GPC6: variants seen among roughly 807,000 people sequenced by gnomAD.
GPC6 encodes the protein glypican 6.
In GPC6, 14 loss-of-function variants were observed where a neutral mutation model predicts 55.2. The observed-to-expected ratio is 0.25, with a 90% CI of 0.17 to 0.40. GPC6 has a LOEUF of 0.40. GPC6 is among the 10% of genes least tolerant of loss of function. The probability of loss-of-function intolerance (pLI) is 1.00; values close to 1 mark genes in which losing one functional copy is unlikely to be tolerated. For missense variants in GPC6, 641 were observed against 708.5 expected (o/e 0.90, Z 1.08); for synonymous variants, 278 against 259.6 (o/e 1.07, Z -0.68).
intron 1 of GPC6, among the ~76,000 whole-genome samples, chr13:93,441,177 CA>C (rs1877783858): frequency 1.3e-5 from 2 of 152,146 alleles, no homozygotes; most frequent in South Asian, 4.1e-4. Flanking sequence ...GTCTTTATAG[CA>C]GCATGATTTA....
intron 3 of GPC6, among the ~76,000 whole-genome samples, chr13:93,873,389 A>G (rs1346325220): frequency 2.6e-5 from 4 of 151,930 alleles, no homozygotes; most frequent in African/African-American, 9.7e-5. Flanking sequence ...TTTTCCTTAG[A>G]CTAGAGAAGA....
At chr13:93,490,351 A>C (rs954960612) in intron 1 of GPC6, among the ~76,000 whole-genome samples, 1 of 151,228 alleles carries the variant, frequency 6.6e-6, no homozygotes, top group African/African-American at 2.4e-5. Context: ...TCACACTGCC[A>C]AGGCTTTTAC....
In GPC6 at chr13:94,406,342, C is replaced by A. The variant is rs1321300219; in HGVS notation, c.*3125C>A. ...TGAATTACAAATTTACCAATAAGAGCTCTGTTTATGGTTCTGTATTGAAGG... is the reference window on the plus strand; with the variant it reads ...TGAATTACAAATTTACCAATAAGAGATCTGTTTATGGTTCTGTATTGAAGG... On this transcript the variant is annotated 3_prime_UTR_variant, in exon 9 of 9. Coordinates refer to ENST00000377047, the MANE Select transcript of GPC6 (RefSeq NM_005708.5). 2.6e-5 allele frequency: 4 copies of A among 152,040 alleles called. No homozygotes were observed. Among genetic ancestry groups the A allele is most frequent in the African/African-American group, 9.7e-5 (4 of 41,412 alleles). The allele number at this position is 152,040 out of a possible 1,614,324, so 9.4% of individuals were successfully genotyped here. A position where few individuals can be genotyped will look rare whatever the true frequency, so the allele number is the denominator to read the frequency against.
In GPC6 at chr13:93,282,316, G is replaced by A. The variant is rs1329863636; in HGVS notation, c.160+54700G>A. The stretch of plus-strand genomic sequence containing the variant: ...TTTTGCTAAAATTGTCCTTAGCATG[G>A]AGAAAGGTCCTTATCTAAGGGGGAT... On this transcript the variant is annotated intron_variant, in intron 1 of 8. Transcript: ENST00000377047. Among the ~76,000 whole-genome samples the A allele has an allele frequency of 1.9e-4, 29 of 152,090 alleles. 2 individuals are homozygous for A. Among genetic ancestry groups the A allele is most frequent in the Admixed American group, 1.8e-3 (28 of 15,266 alleles).
intron 1 of GPC6, among the ~76,000 whole-genome samples, chr13:93,304,205 G>A (rs888103654): frequency 3.9e-5 from 6 of 152,128 alleles, no homozygotes; most frequent in Non-Finnish European, 5.9e-5. Flanking sequence ...ATTCTAAAAC[G>A]TGTAGTGCAA....
At chr13:93,836,027 A>G (rs1043188583) in intron 3 of GPC6, 5 of 152,122 alleles carry the variant, frequency 3.3e-5, no homozygotes, top group African/African-American at 1.2e-4. Flanking sequence ...CTTTAGTAAA[A>G]CCGGAATATT....
At chr13:94,386,081 TAA>T (rs1164956681) in intron 7 of GPC6, among the ~76,000 whole-genome samples, 3 of 152,004 alleles carry the variant, frequency 2.0e-5, no homozygotes, top group African/African-American at 7.2e-5. Context: ...CTCAAGAGTT[TAA>T]GACTAGCCTG....
chr13:93,393,123 TATATAG>T (rs774521306), intron 1 of GPC6, among the ~76,000 whole-genome samples: 6,717 of 94,276 alleles, frequency 0.071, 128 homozygotes, highest in Non-Finnish European at 0.11. Context: ...TATATATATA[TATATAG>T]AGAGAGAGAG....
At chr13:93,518,295 G>T (rs561572536) in intron 1 of GPC6, among the ~76,000 whole-genome samples, 1 of 151,756 alleles carries the variant, frequency 6.6e-6, no homozygotes, top group Non-Finnish European at 1.5e-5. Flanking sequence ...TTTTCTTTAT[G>T]TGGATACATT....
chr13:93,655,141 G>C (rs903319249), intron 2 of GPC6, among the ~76,000 whole-genome samples: 1 of 151,160 alleles, frequency 6.6e-6, no homozygotes, highest in African/African-American at 2.4e-5. Flanking sequence ...GAGCCACCGC[G>C]CCCGGCCCAT....
intron 3 of GPC6, among the ~76,000 whole-genome samples, chr13:93,870,355 G>A (rs564883447): frequency 6.6e-6 from 1 of 151,956 alleles, no homozygotes; most frequent in Admixed American, 6.6e-5. Context: ...CTATTACGAA[G>A]AAAAAGTATT....
intron 2 of GPC6, among the ~76,000 whole-genome samples, chr13:93,706,309 A>T (rs1957775959): frequency 6.6e-6 from 1 of 151,928 alleles, no homozygotes; most frequent in Admixed American, 6.6e-5. Context: ...TATTTAAAAA[A>T]CTTACCATCT....
chr13:93,478,195 T>A (rs1283965107), intron 1 of GPC6, among the ~76,000 whole-genome samples: 1 of 152,218 alleles, frequency 6.6e-6, no homozygotes, highest in African/African-American at 2.4e-5. Context: ...TGTTTTAATC[T>A]ATGAGTTATA....
chr13:93,783,675 T>A (rs1002265735), intron 2 of GPC6, among the ~76,000 whole-genome samples: 1 of 152,160 alleles, frequency 6.6e-6, no homozygotes, highest in Non-Finnish European at 1.5e-5. Flanking sequence ...TGTTATTCTC[T>A]GAAGAGTCAC....
intron 3 of GPC6, among the ~76,000 whole-genome samples, chr13:93,932,382 C>T (rs959393477): frequency 6.6e-6 from 1 of 152,098 alleles, no homozygotes; most frequent in Non-Finnish European, 1.5e-5. Flanking sequence ...CCAAGAATCG[C>T]TATTCTAGAT....
intron 1 of GPC6, among the ~76,000 whole-genome samples, chr13:93,435,445 A>G (rs985903073): frequency 6.6e-6 from 1 of 151,206 alleles, no homozygotes; most frequent in Non-Finnish European, 1.5e-5. Flanking sequence ...TGTTCTTCAT[A>G]TGTCACTTTA....
chr13:94,067,833 C>A (rs1426156223), intron 4 of GPC6, among the ~76,000 whole-genome samples: 1 of 152,132 alleles, frequency 6.6e-6, no homozygotes, highest in Admixed American at 6.5e-5. Flanking sequence ...AGAACTCATA[C>A]AATCCTCTGG....
intron 6 of GPC6, among the ~76,000 whole-genome samples, chr13:94,372,370 C>G (rs1253113350): frequency 6.6e-6 from 1 of 152,176 alleles, no homozygotes; most frequent in East Asian, 1.9e-4. Flanking sequence ...CGTGCGCGAG[C>G]CGAAGCAGGG....
intron 3 of GPC6, among the ~76,000 whole-genome samples, chr13:93,903,134 A>G (rs773341357): frequency 1.2e-4 from 18 of 152,214 alleles, no homozygotes; most frequent in Non-Finnish European, 2.4e-4. Flanking sequence ...ACACAGGGGA[A>G]ATGCTACATG....
Sources: gnomAD v4.1 joint callset for allele counts (sites outside exome capture counted in the v4.1 genomes callset) on GRCh38, gnomAD v4.1.1 for gene constraint, MANE v1.5 for transcripts, NCBI Gene and HGNC (gene_info 2026-07-23, HGNC 2026-07-21) for gene names.